PRDM2: variants seen among roughly 807,000 people sequenced by gnomAD.
The protein encoded by PRDM2 is PR domain zinc finger protein 2.
A neutral mutation model predicts 130.0 loss-of-function variants in PRDM2; 30 were observed. The observed-to-expected ratio is 0.23, with a 90% CI of 0.17 to 0.31. The LOEUF (loss-of-function observed/expected upper bound fraction) is 0.31, where lower values mean the gene tolerates loss of function less well. PRDM2 is among the 10% of genes least tolerant of loss of function. The pLI is 1.00. For synonymous variants in PRDM2, 871 were observed against 782.4 expected (o/e 1.11, Z -1.89); for missense variants, 2,011 against 2,108.4 (o/e 0.95, Z 0.90).
At chr1:13,796,005 G>A (rs1272230229) in intron 8 of PRDM2, among the ~76,000 whole-genome samples, 1 of 152,108 alleles carries the variant, frequency 6.6e-6, no homozygotes, top group Non-Finnish European at 1.5e-5. Context: ...GCAGGAAGGC[G>A]AGTGGTTCTG....
At chr1:13,760,246 A>G (rs1185183167) in intron 6 of PRDM2, among the ~76,000 whole-genome samples, 1 of 152,198 alleles carries the variant, frequency 6.6e-6, no homozygotes, top group East Asian at 1.9e-4. Flanking sequence ...GGTGATTGTC[A>G]GAAAGTACAT....
chr1:13,762,269 A>C (rs143868389), intron 6 of PRDM2, among the ~76,000 whole-genome samples: 220 of 152,370 alleles, frequency 1.4e-3, no homozygotes, highest in African/African-American at 5.0e-3. Context: ...ATCATGGCCC[A>C]AGGGCTGCGC....
At chr1:13,788,151 T>C in intron 8 of PRDM2, 2 of 913,014 alleles carry the variant, frequency 2.2e-6, no homozygotes, top group Non-Finnish European at 2.6e-6. Flanking sequence ...TGTGGAGGAT[T>C]GTTCAGAGCC....
rs574812394 is a variant in PRDM2 at position 13,741,639 on chromosome 1, A to G, written c.232-366A>G. ...TTCCTTTCTAAGTCACACTTTACAG[A>G]GCATAGTTGTCATTTGTCTCTGTGT... On this transcript the variant is annotated intron_variant, in intron 4 of 9. Coordinates refer to ENST00000311066, the MANE Select transcript of PRDM2 (RefSeq NM_001393986.1). Among the ~76,000 whole-genome samples the G allele has an allele frequency of 4.0e-5, 6 of 151,562 alleles. No homozygotes were observed. In the South Asian group the frequency reaches 1.3e-3, roughly 32 times the overall value.
At chr1:13,794,237 G>T (rs1644886818) in intron 8 of PRDM2, among the ~76,000 whole-genome samples, 2 of 152,158 alleles carry the variant, frequency 1.3e-5, no homozygotes, top group Admixed American at 1.3e-4. Context: ...CCTCCTCCAA[G>T]AAGCCTTTCC....
chr1:13,707,061 T>C (rs1459656346), intron 1 of PRDM2, among the ~76,000 whole-genome samples: 1 of 152,204 alleles, frequency 6.6e-6, no homozygotes, highest in African/African-American at 2.4e-5. Flanking sequence ...CAAAAGAGTT[T>C]AAGTTGTCAT....
At chr1:13,739,043 T>C (rs1643356954) in intron 4 of PRDM2, 1 of 152,016 alleles carries the variant, frequency 6.6e-6, no homozygotes, top group Admixed American at 6.5e-5. Flanking sequence ...ATCTTTTTTT[T>C]CTTTATTCCT....
At chr1:13,777,254 CCT>C (rs968937766) in intron 7 of PRDM2, among the ~76,000 whole-genome samples, 1 of 152,122 alleles carries the variant, frequency 6.6e-6, no homozygotes, top group Non-Finnish European at 1.5e-5. Flanking sequence ...TGCTGCCACC[CCT>C]GTGCCACCAT....
intron 2 of PRDM2, among the ~76,000 whole-genome samples, chr1:13,720,426 G>A (rs1299855935): frequency 6.6e-6 from 1 of 152,148 alleles, no homozygotes; most frequent in Admixed American, 6.5e-5. Flanking sequence ...GGAGGGTGGA[G>A]TAAATGGTCA....
In PRDM2 at chr1:13,778,611, GGAAGAGGAGGAGGAT is replaced by G; in HGVS notation, c.822_836del (p.Asp277_Glu281del). ...ATGATTTGGGGGAAGAGGAGGAGGA[GGAAGAGGAGGAGGAT>G]GAAGAAGAAGAAGAAGATGATGATG... On this transcript the variant is annotated inframe_deletion, in exon 8 of 10. Transcript: ENST00000311066. 1 of 1,613,478 alleles carries G rather than the reference GGAAGAGGAGGAGGAT, an allele frequency of 6.2e-7. No homozygotes were observed. Among genetic ancestry groups the G allele is most frequent in the Non-Finnish European group, 8.5e-7 (1 of 1,179,512 alleles).
intron 6 of PRDM2, among the ~76,000 whole-genome samples, chr1:13,768,244 G>A (rs1644277113): frequency 6.7e-6 from 1 of 149,526 alleles, no homozygotes. Flanking sequence ...CACCACGCCC[G>A]GCTAATGCTT....
chr1:13,715,896 C>T (rs372573803), intron 2 of PRDM2, among the ~76,000 whole-genome samples: 1 of 152,152 alleles, frequency 6.6e-6, no homozygotes, highest in Non-Finnish European at 1.5e-5. Flanking sequence ...TTGCCACACT[C>T]TAGTGTGAGT....
intron 6 of PRDM2, among the ~76,000 whole-genome samples, chr1:13,762,420 G>A (rs1327235593): frequency 2.6e-5 from 4 of 152,194 alleles, no homozygotes; most frequent in East Asian, 3.9e-4. Context: ...CTCAGTTAGC[G>A]TCAGCTCTTT....
intron 8 of PRDM2, among the ~76,000 whole-genome samples, chr1:13,807,383 C>G (rs1645101676): frequency 6.6e-6 from 1 of 152,188 alleles, no homozygotes; most frequent in Non-Finnish European, 1.5e-5. Context: ...CCGTGACAAA[C>G]CAGCCTCCAA....
chr1:13,770,383 ACTTC>A (rs971663308), intron 6 of PRDM2: 8 of 457,246 alleles, frequency 1.7e-5, no homozygotes, highest in African/African-American at 4.1e-5. Flanking sequence ...TTAAGATTGT[ACTTC>A]CTTTTGTTAA....
At chr1:13,819,512 T>A (rs1645313488) in intron 9 of PRDM2, among the ~76,000 whole-genome samples, 1 of 152,210 alleles carries the variant, frequency 6.6e-6, no homozygotes, top group African/African-American at 2.4e-5. Context: ...TTCCATTTTT[T>A]AAATTGGTAC....
intron 2 of PRDM2, among the ~76,000 whole-genome samples, chr1:13,720,582 T>C (rs1363145710): frequency 6.6e-6 from 1 of 152,176 alleles, no homozygotes; most frequent in Non-Finnish European, 1.5e-5. Flanking sequence ...GAAACTATTC[T>C]ACAGGGCAGA....
At chr1:13,819,781 C>A (rs1015672809) in intron 9 of PRDM2, among the ~76,000 whole-genome samples, 2 of 152,156 alleles carry the variant, frequency 1.3e-5, no homozygotes, top group East Asian at 3.8e-4. Context: ...CCTCACGTGG[C>A]GGGGGCCTGG....
intron 8 of PRDM2, among the ~76,000 whole-genome samples, chr1:13,796,609 A>G (rs1644926835): frequency 6.6e-6 from 1 of 152,180 alleles, no homozygotes; most frequent in Non-Finnish European, 1.5e-5. Context: ...TAAAAAAGCC[A>G]GGTACAGTGG....
Sources: allele counts gnomAD v4.1 joint callset (sites outside exome capture counted in the v4.1 genomes callset), GRCh38; gene constraint gnomAD v4.1.1; transcripts MANE v1.5; gene names NCBI Gene and HGNC (gene_info 2026-07-23, HGNC 2026-07-21).